Variants in ARVCF observed in about 807,000 individuals in gnomAD.
ARVCF encodes ARVCF delta catenin family member.
Under a neutral mutation model 90.9 loss-of-function variants are expected in ARVCF, and 66 were observed. The observed-to-expected ratio is 0.73, with a 90% CI of 0.60 to 0.89. The LOEUF (loss-of-function observed/expected upper bound fraction) is 0.89. Ranked by LOEUF, ARVCF falls within the 40% of genes least tolerant of loss-of-function variation. ARVCF has a pLI of 0.00. For synonymous variants in ARVCF, 653 were observed against 603.4 expected (o/e 1.08, Z -1.21); for missense variants, 1,469 against 1,382.3 (o/e 1.06, Z -1.00).
Position 19,975,707 on chromosome 22 carries a change from T to C in ARVCF, c.1939A>G (p.Lys647Glu), listed in dbSNP as rs1156985416. The C allele has an allele frequency of 1.2e-6, 2 of 1,613,674 alleles. No homozygotes were observed. Among genetic ancestry groups the C allele is most frequent in the Non-Finnish European group, 8.5e-7 (1 of 1,179,972 alleles). ...DRNFDTLDLP[K>E]RTEAAKGFEL... ...TCACCTTTGGCGGCCTCAGTTCGCT[T>C]GGGCAGGTCTAGCGTGTCAAAGTTC... The change falls in exon 11 of 20, where the codon AAG becomes GAG. Residue 647 changes from lysine (K) to glutamate (E), a missense_variant. Lys to Glu is a moderately conservative substitution (Grantham distance 56). Transcript: ENST00000263207.
At position 19,981,756 on chromosome 22, in the gene ARVCF, G is replaced by A; in HGVS notation, c.370-19C>T. The A allele has an allele frequency of 6.4e-7, 1 of 1,553,286 alleles. No individual in the cohort carries two copies. The stretch of plus-strand genomic sequence containing the variant: ...TGGTGACCTGGTGGATGGATAGGCA[G>A]GTAGGTGGGGTAGCACGAGAGGCCT... On this transcript the variant is annotated intron_variant, in intron 4 of 19. Transcript: ENST00000263207.
At chr22:20,006,421 C>CA (rs1050011016) in intron 2 of ARVCF, among the ~76,000 whole-genome samples, 2 of 150,910 alleles carry the variant, frequency 1.3e-5, no homozygotes, top group Non-Finnish European at 3.0e-5. Flanking sequence ...ACTAAAAGTA[C>CA]AAAAAAAATT....
At chr22:19,980,263 C>T (rs1000426668) in intron 5 of ARVCF, 21 bp from the exon 6 acceptor site, 15 of 1,498,008 alleles carry the variant, frequency 1.0e-5, no homozygotes, top group South Asian at 1.3e-5. Flanking sequence ...AAGTGGGGCG[C>T]GTGGACATCG....
In ARVCF at chr22:19,970,163, G is replaced by C; in HGVS notation, c.*593C>G. The stretch of plus-strand genomic sequence containing the variant: ...TACTGCACAGGGGCCTCACGTGACT[G>C]CAGGGCTCTGGGGAGGTGGGGCACC... On this transcript the variant is annotated 3_prime_UTR_variant, in exon 20 of 20. Coordinates refer to ENST00000263207, the MANE Select transcript of ARVCF (RefSeq NM_001670.3). 1.0e-6 allele frequency: 1 copy of C among 987,048 alleles called. No homozygotes were observed. Among genetic ancestry groups the C allele is most frequent in the Non-Finnish European group, 1.2e-6 (1 of 831,026 alleles). 61.1% of individuals were successfully genotyped at this position (987,048 alleles called of 1,614,324 possible). A position where few individuals can be genotyped will look rare whatever the true frequency, so the allele number is the denominator to read the frequency against.
chr22:19,968,137 T>C (rs956381077), downstream of ARVCF, among the ~76,000 whole-genome samples: 1 of 152,184 alleles, frequency 6.6e-6, no homozygotes, highest in African/African-American at 2.4e-5. Context: ...CCAGGGACCA[T>C]ACCAGCAACC....
At chr22:19,981,139 G>C (rs1569163769) in intron 5 of ARVCF, 72 bp downstream of exon 5, 1 of 1,444,824 alleles carries the variant, frequency 6.9e-7, no homozygotes, top group Non-Finnish European at 9.2e-7. Flanking sequence ...GACAAGTGGG[G>C]CACTCTGTAG....
At chr22:19,984,297 T>G (rs1943651599) in intron 3 of ARVCF, among the ~76,000 whole-genome samples, 2 of 152,106 alleles carry the variant, frequency 1.3e-5, no homozygotes, top group Non-Finnish European at 2.9e-5. Context: ...GCCCAGCTTA[T>G]CCCTCCCACC....
intron 10 of ARVCF, 100 bp from the exon 11 acceptor site, chr22:19,975,857 G>A (rs1233281304): frequency 2.4e-6 from 3 of 1,250,324 alleles, no homozygotes; most frequent in African/African-American, 3.0e-5. Flanking sequence ...GCCCCAAAAG[G>A]CACCCCCATG....
At chr22:19,981,768 A>G (rs1943519026) in intron 4 of ARVCF, 31 bp from the exon 5 acceptor site, 1 of 1,552,066 alleles carries the variant, frequency 6.4e-7, no homozygotes, top group Admixed American at 1.9e-5. Flanking sequence ...TAGGTGGGGT[A>G]GCACGAGAGG....
downstream of ARVCF, chr22:19,967,379 GA>G: frequency 2.1e-6 from 1 of 485,684 alleles, no homozygotes; most frequent in South Asian, 1.6e-5. Flanking sequence ...CTTTTCAGCT[GA>G]CATTGCTAGG....
intron 2 of ARVCF, among the ~76,000 whole-genome samples, chr22:19,996,374 G>C (rs886808397): frequency 1.3e-5 from 2 of 151,796 alleles, no homozygotes; most frequent in African/African-American, 4.8e-5. Flanking sequence ...ACACCATTTA[G>C]AGCAACACAT....
intron 11 of ARVCF, among the ~76,000 whole-genome samples, chr22:19,974,446 A>C (rs544772347): frequency 6.6e-6 from 1 of 152,132 alleles, no homozygotes; most frequent in Non-Finnish European, 1.5e-5. Context: ...ACTGAGGCTC[A>C]AATCAGTTGG....
chr22:20,000,408 T>C (rs1157044108), intron 2 of ARVCF, among the ~76,000 whole-genome samples: 2 of 152,256 alleles, frequency 1.3e-5, no homozygotes, highest in Non-Finnish European at 2.9e-5. Flanking sequence ...CACAAAGTCC[T>C]GCCTTTCATA....
At chr22:19,973,090 C>G in intron 14 of ARVCF, 29 bp downstream of exon 14, 1 of 1,604,284 alleles carries the variant, frequency 6.2e-7, no homozygotes. Flanking sequence ...TCCGCGGCTC[C>G]CCAAGCCACC....
intron 3 of ARVCF, chr22:19,987,236 C>T (rs1027734824): frequency 2.0e-5 from 7 of 350,674 alleles, no homozygotes; most frequent in Non-Finnish European, 3.6e-5. Context: ...TCACGGCGAG[C>T]AGCCAATCGG....
chr22:19,974,615 C>T (rs1395302667), intron 11 of ARVCF, among the ~76,000 whole-genome samples: 1 of 151,882 alleles, frequency 6.6e-6, no homozygotes, highest in Non-Finnish European at 1.5e-5. Flanking sequence ...TCCCTGGCAA[C>T]AAGACCAGCA....
intron 6 of ARVCF, 95 bp from the exon 7 acceptor site, chr22:19,979,175 T>A: frequency 7.5e-7 from 1 of 1,330,290 alleles, no homozygotes; most frequent in Non-Finnish European, 1.0e-6. Context: ...ACTCTCCTCA[T>A]GTCCCAGCTC....
chr22:19,986,497 G>A (rs1943773519), intron 3 of ARVCF, among the ~76,000 whole-genome samples: 1 of 152,166 alleles, frequency 6.6e-6, no homozygotes, highest in African/African-American at 2.4e-5. Flanking sequence ...TAGTGGGCAG[G>A]GCCTGTCTCT....
chr22:19,979,085 G>T lies in ARVCF; in HGVS notation c.1397-5C>A, dbSNP rs535906973. ...ATGACAGGTTCCACAGGGTGCCTGT[G>T]GGGTGCGATTGGCCAATCTGTGCTG... On this transcript the variant is annotated splice_region_variant and splice_polypyrimidine_tract_variant and intron_variant, in intron 6 of 19. Transcript: ENST00000263207. 2 of 1,610,530 alleles carry T rather than the reference G, an allele frequency of 1.2e-6. No homozygotes were observed. Among genetic ancestry groups the T allele is most frequent in the South Asian group, 2.2e-5 (2 of 91,002 alleles).
Sources: allele counts gnomAD v4.1 joint callset (sites outside exome capture counted in the v4.1 genomes callset), GRCh38; gene constraint gnomAD v4.1.1; transcripts MANE v1.5; gene names NCBI Gene and HGNC (gene_info 2026-07-23, HGNC 2026-07-21).